RANBP2: variants seen among roughly 807,000 people sequenced by gnomAD.
The protein encoded by RANBP2 is E3 SUMO-protein ligase RanBP2.
Under a neutral mutation model 303.6 loss-of-function variants are expected in RANBP2, and 57 were observed. The ratio of observed to expected loss-of-function variants is 0.19; its 90% CI spans 0.15 to 0.23. The LOEUF is 0.23. Among genes scored for constraint, RANBP2 ranks in the 10% least tolerant of loss-of-function variants. The pLI, the probability that RANBP2 is intolerant of heterozygous loss-of-function variation, is 1.00. For synonymous variants in RANBP2, 1,167 were observed against 1,301.5 expected (o/e 0.90, Z 2.23); for missense variants, 3,138 against 3,780.8 (o/e 0.83, Z 4.46).
chr2:109,415,189 G>A, the RANBP2 span, among the ~76,000 whole-genome samples: 2 of 152,232 alleles, frequency 1.3e-5, no homozygotes, highest in Non-Finnish European at 1.5e-5. Flanking sequence ...ACACAGCCCT[G>A]CCACACCTTG....
chr2:109,464,539 C>T, the RANBP2 span, among the ~76,000 whole-genome samples: 37 of 152,336 alleles, frequency 2.4e-4, no homozygotes, highest in African/African-American at 7.9e-4. Flanking sequence ...CATACATACA[C>T]ATCCTGCAGA....
chr2:108,967,131 T>C, the RANBP2 span, among the ~76,000 whole-genome samples: 1 of 152,272 alleles, frequency 6.6e-6, no homozygotes, highest in Non-Finnish European at 1.5e-5. Context: ...GACGGAGTTT[T>C]GTCATGTTGG....
chr2:109,522,046 A>G, the RANBP2 span, among the ~76,000 whole-genome samples: 1 of 152,186 alleles, frequency 6.6e-6, no homozygotes, highest in Non-Finnish European at 1.5e-5. Context: ...TTACTTCGCA[A>G]TGTTTAAAGT....
chr2:109,368,029 CTG>C, the RANBP2 span, among the ~76,000 whole-genome samples: 3 of 152,342 alleles, frequency 2.0e-5, no homozygotes, highest in South Asian at 2.1e-4. Context: ...CTGTTTAAAA[CTG>C]TGTTTGTTTG....
At chr2:109,473,793 G>GC in the RANBP2 span, among the ~76,000 whole-genome samples, 9 of 146,862 alleles carry the variant, frequency 6.1e-5, no homozygotes, top group African/African-American at 1.3e-4. Context: ...AGGCCTCTGA[G>GC]CCCCCCGTGC....
the RANBP2 span, among the ~76,000 whole-genome samples, chr2:109,579,384 C>T: frequency 6.6e-6 from 1 of 150,920 alleles, no homozygotes; most frequent in Non-Finnish European, 1.5e-5. Context: ...TCCAGGCCCT[C>T]CTTTTTTTTT....
the RANBP2 span, among the ~76,000 whole-genome samples, chr2:108,922,059 T>TTA: frequency 6.6e-6 from 1 of 152,236 alleles, no homozygotes; most frequent in Non-Finnish European, 1.5e-5. Context: ...ATTGCTGGAC[T>TTA]TAGAGAGGCG....
chr2:109,157,093 C>T, the RANBP2 span, among the ~76,000 whole-genome samples: 1 of 152,182 alleles, frequency 6.6e-6, no homozygotes, highest in African/African-American at 2.4e-5. Flanking sequence ...TGGCTCCAGG[C>T]TCATAGCACC....
chr2:109,425,554 G>A, the RANBP2 span, among the ~76,000 whole-genome samples: 1 of 152,170 alleles, frequency 6.6e-6, no homozygotes, highest in African/African-American at 2.4e-5. Flanking sequence ...TTGCCATTCC[G>A]AGAACCCTAG....
At chr2:109,619,838 T>A in the RANBP2 span, among the ~76,000 whole-genome samples, 3 of 152,340 alleles carry the variant, frequency 2.0e-5, no homozygotes, top group East Asian at 5.8e-4. Context: ...GATTAAATAC[T>A]TGGAATTTGC....
chr2:109,705,641 C>T, the RANBP2 span, among the ~76,000 whole-genome samples: 12 of 152,158 alleles, frequency 7.9e-5, no homozygotes, highest in African/African-American at 7.2e-5. Flanking sequence ...AGCCCCAGGG[C>T]GTTGTGTGGA....
the RANBP2 span, among the ~76,000 whole-genome samples, chr2:109,250,358 C>T: frequency 6.6e-6 from 1 of 152,084 alleles, no homozygotes; most frequent in African/African-American, 2.4e-5. Context: ...TCTCCATCAG[C>T]TCTGAATTCA....
At chr2:108,778,659 C>T (rs959952952) in intron 25 of RANBP2, among the ~76,000 whole-genome samples, 1 of 152,200 alleles carries the variant, frequency 6.6e-6, no homozygotes. Context: ...TTGAATTCTT[C>T]TGCCACATGT....
chr2:109,116,947 C>CT, the RANBP2 span, among the ~76,000 whole-genome samples: 26 of 152,304 alleles, frequency 1.7e-4, no homozygotes, highest in Admixed American at 8.5e-4. Flanking sequence ...AGAACAGCAG[C>CT]TTTTCATGAA....
At chr2:108,833,832 A>T in the RANBP2 span, among the ~76,000 whole-genome samples, 1 of 142,366 alleles carries the variant, frequency 7.0e-6, no homozygotes, top group East Asian at 2.1e-4. Context: ...GGTTCACGCC[A>T]TTCTCCTGCC....
At chr2:108,992,513 C>CA in the RANBP2 span, among the ~76,000 whole-genome samples, 2 of 152,174 alleles carry the variant, frequency 1.3e-5, no homozygotes, top group Non-Finnish European at 2.9e-5. Flanking sequence ...TCAAACACTC[C>CA]AAAAGCAAGA....
chr2:109,463,571 G>A, the RANBP2 span, among the ~76,000 whole-genome samples: 8 of 152,298 alleles, frequency 5.3e-5, no homozygotes, highest in Admixed American at 3.9e-4. Context: ...GGAAATATTA[G>A]TTACTTCCAA....
chr2:109,256,995 C>T, the RANBP2 span, among the ~76,000 whole-genome samples: 1 of 152,238 alleles, frequency 6.6e-6, no homozygotes, highest in Non-Finnish European at 1.5e-5. Flanking sequence ...TGCTCTCAGA[C>T]AGCCTGTGAC....
At chr2:108,820,330 T>C in the RANBP2 span, among the ~76,000 whole-genome samples, 5 of 152,240 alleles carry the variant, frequency 3.3e-5, no homozygotes, top group Middle Eastern at 3.4e-3. Context: ...GAGGGACTTA[T>C]GGGAGATCAT....
Sources: allele counts gnomAD v4.1 joint callset (sites outside exome capture counted in the v4.1 genomes callset), GRCh38; gene constraint gnomAD v4.1.1; transcripts MANE v1.5; gene names NCBI Gene and HGNC (gene_info 2026-07-23, HGNC 2026-07-21).